Variants in ABTB2 observed in about 807,000 individuals in gnomAD.
The protein encoded by ABTB2 is ankyrin repeat and BTB/POZ domain-containing protein 2.
ABTB2 carries 56 observed loss-of-function variants against 104.1 expected under a neutral mutation model. The ratio of observed to expected loss-of-function variants is 0.54; its 90% CI spans 0.43 to 0.67. The LOEUF is 0.67. ABTB2 is among the 30% of genes least tolerant of loss of function. The pLI, the probability that ABTB2 is intolerant of heterozygous loss-of-function variation, is 0.00. For synonymous variants in ABTB2, 606 were observed against 608.2 expected, an observed-to-expected ratio of 1.00 and a Z score of 0.05; for missense variants, 1,279 against 1,407.7, an observed-to-expected ratio of 0.91 and a Z score of 1.46.
rs140882213 is a variant in ABTB2, at chr11:34,210,731, G to A, written c.884-6041C>T. ...CATGGCCAAGGCAGCCAAGGCCACC[G>A]CCTGTCCCTAGTTTCTTTGAAAGGA... On this transcript the variant is annotated intron_variant, in intron 1 of 16. Coordinates refer to ENST00000435224, the MANE Select transcript of ABTB2 (RefSeq NM_145804.3). Among the ~76,000 whole-genome samples the A allele has an allele frequency of 9.2e-5, 14 of 152,312 alleles. No homozygotes were observed. The East Asian group carries it at 1.2e-3, about 13-fold the overall frequency.
chr11:34,329,236 G>T (rs1041397849), intron 1 of ABTB2, among the ~76,000 whole-genome samples: 1 of 152,190 alleles, frequency 6.6e-6, no homozygotes, highest in African/African-American at 2.4e-5. Flanking sequence ...GCAACCAAAA[G>T]ATACTCTCAT....
intron 2 of ABTB2, among the ~76,000 whole-genome samples, chr11:34,201,204 C>T (rs1247103208): frequency 6.6e-6 from 1 of 152,060 alleles, no homozygotes; most frequent in African/African-American, 2.4e-5. Flanking sequence ...ATTGATCCTA[C>T]ACTCAATGAA....
chr11:34,181,486 T>C (rs1478376954), intron 3 of ABTB2, among the ~76,000 whole-genome samples: 1 of 152,068 alleles, frequency 6.6e-6, no homozygotes, highest in Non-Finnish European at 1.5e-5. Flanking sequence ...AGCACAAGCC[T>C]CGGGTCTCTG....
rs564262657 is a variant in ABTB2 at position 34,224,501 on chromosome 11, C to T, written c.884-19811G>A. Among the ~76,000 whole-genome samples the T allele has an allele frequency of 5.9e-5, 9 of 152,268 alleles. No homozygotes were observed. In the South Asian group the frequency reaches 1.7e-3, roughly 28 times the overall value. Reference sequence around the variant, plus strand: ...GGTGGCCTCCCCTCTCTTTGACCATCCTTTCTTTCTATCAAGTGACTGGCT... The same window carrying T: ...GGTGGCCTCCCCTCTCTTTGACCATTCTTTCTTTCTATCAAGTGACTGGCT... On this transcript the variant is annotated intron_variant, in intron 1 of 16. Transcript: ENST00000435224.
Position 34,160,921 on chromosome 11 carries a change from G to A in ABTB2, c.2379C>T (p.Asp793=), listed in dbSNP as rs1329851113. ...CACTTACTTTGCTGGTCTTGAGGATGTCGAACATGAGCTGCAAGCCCTCGG... is the reference window on the plus strand; with the variant it reads ...CACTTACTTTGCTGGTCTTGAGGATATCGAACATGAGCTGCAAGCCCTCGG... ...LVTEGLQLMF[D]ILKTSKNDSV... The change falls in exon 11 of 17, where the codon GAC becomes GAT. Residue 793 remains aspartate, a synonymous_variant. Coordinates refer to ENST00000435224, the MANE Select transcript of ABTB2 (RefSeq NM_145804.3). The A allele has an allele frequency of 3.1e-6, 5 of 1,610,190 alleles. No individual in the cohort carries two copies. Among genetic ancestry groups the A allele is most frequent in the Non-Finnish European group, 4.2e-6 (5 of 1,178,124 alleles).
At chr11:34,230,147 CA>C (rs1853750576) in intron 1 of ABTB2, among the ~76,000 whole-genome samples, 1 of 152,222 alleles carries the variant, frequency 6.6e-6, no homozygotes, top group African/African-American at 2.4e-5. Flanking sequence ...TATGCATGCG[CA>C]AACACACCCT....
At chr11:34,205,314 C>T (rs560680797) in intron 1 of ABTB2, among the ~76,000 whole-genome samples, 1 of 152,338 alleles carries the variant, frequency 6.6e-6, no homozygotes, top group East Asian at 1.9e-4. Flanking sequence ...TAGCCACGGG[C>T]CAAGTCCAAT....
chr11:34,158,302 A>G (rs997699053), intron 14 of ABTB2, among the ~76,000 whole-genome samples: 1 of 152,090 alleles, frequency 6.6e-6, no homozygotes, highest in African/African-American at 2.4e-5. Flanking sequence ...AGTCCCAGCT[A>G]CTCGGGAGGG....
chr11:34,353,208 T>C (rs1855420795), intron 1 of ABTB2, among the ~76,000 whole-genome samples: 1 of 152,224 alleles, frequency 6.6e-6, no homozygotes, highest in African/African-American at 2.4e-5. Flanking sequence ...GCAAGAATAT[T>C]CTCACCAATA....
intron 1 of ABTB2, among the ~76,000 whole-genome samples, chr11:34,240,930 T>G (rs1853908681): frequency 1.3e-5 from 2 of 152,034 alleles, no homozygotes; most frequent in Non-Finnish European, 2.9e-5. Context: ...TTCTTTTTAA[T>G]TTTTTTTCTC....
intron 1 of ABTB2, among the ~76,000 whole-genome samples, chr11:34,282,372 G>A (rs1854457128): frequency 6.6e-6 from 1 of 152,112 alleles, no homozygotes; most frequent in Admixed American, 6.5e-5. Flanking sequence ...GATTTGGAAA[G>A]ATATTTATAA....
intron 2 of ABTB2, among the ~76,000 whole-genome samples, chr11:34,198,514 TCTC>T (rs1342277635): frequency 6.6e-6 from 1 of 151,904 alleles, no homozygotes; most frequent in Non-Finnish European, 1.5e-5. Context: ...ATATATTCAT[TCTC>T]CTGGCCACAG....
intron 3 of ABTB2, among the ~76,000 whole-genome samples, chr11:34,184,915 C>T (rs565471902): frequency 2.0e-5 from 3 of 152,344 alleles, no homozygotes; most frequent in Admixed American, 2.0e-4. Context: ...ACCAGACAGG[C>T]GGGGACCTCC....
At chr11:34,159,756 G>T in intron 13 of ABTB2, 150 bp downstream of exon 13, 1 of 670,920 alleles carries the variant, frequency 1.5e-6, no homozygotes, top group East Asian at 2.7e-5. Flanking sequence ...CCCGCTGTGG[G>T]GCGAGTGGGG....
chr11:34,316,302 CCTTT>C (rs1360317195), intron 1 of ABTB2, among the ~76,000 whole-genome samples: 21 of 152,326 alleles, frequency 1.4e-4, no homozygotes, highest in African/African-American at 5.1e-4. Context: ...TCCCTTTCAT[CCTTT>C]CTTTCAACCA....
At chr11:34,172,436 A>G (rs532675170) in intron 4 of ABTB2, among the ~76,000 whole-genome samples, 766 of 71,204 alleles carry the variant, frequency 0.011, 15 homozygotes, top group East Asian at 0.033. Flanking sequence ...GTGTGTGTGT[A>G]TATAGATAGA....
chr11:34,195,815 T>C (rs1483252458), intron 3 of ABTB2, among the ~76,000 whole-genome samples: 2 of 152,206 alleles, frequency 1.3e-5, no homozygotes, highest in African/African-American at 4.8e-5. Flanking sequence ...GTGCCTTTGT[T>C]TTCTGGGGCA....
chr11:34,272,119 G>C (rs1012131922), intron 1 of ABTB2, among the ~76,000 whole-genome samples: 10 of 152,224 alleles, frequency 6.6e-5, no homozygotes, highest in Non-Finnish European at 1.0e-4. Context: ...TTCCTCATCT[G>C]TAACTAAAGA....
rs555785975 is a variant in ABTB2, at chr11:34,229,448, T to G, written c.884-24758A>C. On this transcript the variant is annotated intron_variant, in intron 1 of 16. Transcript: ENST00000435224. ...GTGAGCAGAGATCGCACCACTGCAC[T>G]CCAGCCTGGGTGACAGAGTGAGACT... Among the ~76,000 whole-genome samples the G allele has an allele frequency of 2.7e-5, 4 of 146,544 alleles. No individual in the cohort carries two copies. The South Asian group carries it at 6.5e-4, about 24-fold the overall frequency.
Sources: gnomAD v4.1 joint callset for allele counts (sites outside exome capture counted in the v4.1 genomes callset) on GRCh38, gnomAD v4.1.1 for gene constraint, MANE v1.5 for transcripts, NCBI Gene and HGNC (gene_info 2026-07-23, HGNC 2026-07-21) for gene names.